The following TAF1 variants were observed in gnomAD, a reference collection of about 807,000 sequenced individuals.
TAF1 encodes transcription initiation factor TFIID subunit 1.
A neutral mutation model predicts 138.5 loss-of-function variants in TAF1; 2 were observed. The ratio of observed to expected loss-of-function variants is 0.01; its 90% CI spans 0.01 to 0.05. TAF1 has a LOEUF of 0.05. TAF1 is among the 10% of genes least tolerant of loss of function. TAF1 has a pLI of 1.00. For synonymous variants in TAF1, 437 were observed against 503.2 expected, an observed-to-expected ratio of 0.87 and a Z score of 1.76; for missense variants, 709 against 1,478.0, an observed-to-expected ratio of 0.48 and a Z score of 8.53.
At chrX:71,432,761 G>A (rs1165601792) in intron 32 of TAF1, among the ~76,000 whole-genome samples, 1 of 111,800 alleles carries the variant, frequency 8.9e-6, no homozygotes, top group Non-Finnish European at 1.9e-5. Flanking sequence ...CAGTTTGGGG[G>A]AATATCTCAG....
intron 30 of TAF1, 86 bp downstream of exon 30, chrX:71,423,325 G>A (rs1425283065): frequency 3.4e-6 from 4 of 1,163,765 alleles, no homozygotes; most frequent in Non-Finnish European, 4.6e-6. Flanking sequence ...GTATTTTGGA[G>A]AGTCTGAGTG....
intron 13 of TAF1, chrX:71,528,072 C>G (rs2040030816): frequency 1.0e-5 from 2 of 199,041 alleles, no homozygotes; most frequent in Non-Finnish European, 1.9e-5. Context: ...ATTGTCCTTT[C>G]ACATCTGGTT....
At chrX:71,368,434 T>C in intron 3 of TAF1, among the ~76,000 whole-genome samples, 1 of 111,738 alleles carries the variant, frequency 8.9e-6, no homozygotes, top group East Asian at 2.8e-4. Flanking sequence ...AGCTTTCTTG[T>C]CACCTGGTAT....
chrX:71,445,172 C>T (rs1292146191), intron 32 of TAF1, among the ~76,000 whole-genome samples: 6 of 108,712 alleles, frequency 5.5e-5, no homozygotes, highest in African/African-American at 2.0e-4. Context: ...TGGTGGTGCA[C>T]ATTTGTAATC....
intron 23 of TAF1, among the ~76,000 whole-genome samples, chrX:71,397,968 C>T (rs190799041): frequency 6.3e-5 from 7 of 111,822 alleles, no homozygotes; most frequent in Non-Finnish European, 1.1e-4. Context: ...AAATTCTATT[C>T]GGTATTTGCC....
At chrX:71,497,240 C>T (rs773785205) in intron 13 of TAF1, among the ~76,000 whole-genome samples, 5 of 111,380 alleles carry the variant, frequency 4.5e-5, no homozygotes, top group Non-Finnish European at 7.6e-5. Flanking sequence ...GAGATCCTCT[C>T]GGGTGGCATA....
chrX:71,514,892 C>T (rs1219841806), intron 13 of TAF1, among the ~76,000 whole-genome samples: 1 of 111,172 alleles, frequency 9.0e-6, no homozygotes, highest in Non-Finnish European at 1.9e-5. Context: ...TGTGAAACAG[C>T]CTGATCTTTT....
chrX:71,447,332 C>A (rs774466024), intron 32 of TAF1, among the ~76,000 whole-genome samples: 24 of 110,849 alleles, frequency 2.2e-4, no homozygotes, highest in Non-Finnish European at 3.4e-4. Flanking sequence ...GGAGTGATCA[C>A]AAATCCCCTC....
intron 32 of TAF1, among the ~76,000 whole-genome samples, chrX:71,427,910 G>T (rs752715697): frequency 2.0e-5 from 2 of 100,748 alleles, no homozygotes; most frequent in Non-Finnish European, 4.0e-5. Flanking sequence ...CTGCACTCCA[G>T]CCTGGGTGAT....
intron 24 of TAF1, 103 bp downstream of exon 24, chrX:71,398,840 T>C: frequency 1.9e-6 from 2 of 1,055,867 alleles, no homozygotes; most frequent in South Asian, 5.3e-5. Flanking sequence ...GAGGGAAGTA[T>C]ATTGTGGAAA....
At chrX:71,449,401 GGC>G (rs1457123594) in intron 32 of TAF1, among the ~76,000 whole-genome samples, 1 of 113,070 alleles carries the variant, frequency 8.8e-6, no homozygotes, top group Non-Finnish European at 1.9e-5. Flanking sequence ...TGGGATTACA[GGC>G]ATGAGCCACT....
intron 13 of TAF1, among the ~76,000 whole-genome samples, chrX:71,515,551 A>G (rs1280420633): frequency 9.0e-6 from 1 of 111,677 alleles, no homozygotes; most frequent in Non-Finnish European, 1.9e-5. Flanking sequence ...GAATCAGGTT[A>G]TTTCTTTTTC....
At chrX:71,367,308 A>G (rs1330652649) in intron 1 of TAF1, among the ~76,000 whole-genome samples, 191 bp from the exon 2 acceptor site, 1 of 112,683 alleles carries the variant, frequency 8.9e-6, no homozygotes, top group Admixed American at 9.4e-5. Context: ...TGGTGCTTTA[A>G]TAAAGATCTG....
At chrX:71,513,819 C>A (rs1025992505) in intron 13 of TAF1, among the ~76,000 whole-genome samples, 2 of 111,342 alleles carry the variant, frequency 1.8e-5, no homozygotes, top group Admixed American at 9.6e-5. Flanking sequence ...GAGAACTCTT[C>A]TATCTAGCTA....
chrX:71,453,975 A>G (rs1369201411), intron 32 of TAF1, among the ~76,000 whole-genome samples, 195 bp from the exon 33 acceptor site: 2 of 112,114 alleles, frequency 1.8e-5, no homozygotes, highest in African/African-American at 6.5e-5. Context: ...TAGTGAGTAC[A>G]TGGGAGTCCA....
intron 8 of TAF1, among the ~76,000 whole-genome samples, chrX:71,381,368 G>T (rs542879585): frequency 1.8e-5 from 2 of 112,130 alleles, no homozygotes; most frequent in South Asian, 3.7e-4. Flanking sequence ...GGGCTCAGGT[G>T]ATTCTCCTGC....
intron 32 of TAF1, among the ~76,000 whole-genome samples, chrX:71,426,581 G>C (rs1299650949): frequency 9.0e-6 from 1 of 110,833 alleles, no homozygotes; most frequent in African/African-American, 3.3e-5. Context: ...TGGGCATGGT[G>C]GTGCATGCCT....
chrX:71,489,572 A>AG (rs1216042486), intron 13 of TAF1, among the ~76,000 whole-genome samples: 1 of 109,505 alleles, frequency 9.1e-6, no homozygotes, highest in Non-Finnish European at 1.9e-5. Context: ...GCTACTTGGG[A>AG]GGGTGAGGCA....
intron 1 of TAF1, 114 bp downstream of exon 1, chrX:71,366,608 C>CG (rs2032515179): frequency 8.8e-6 from 7 of 791,102 alleles, no homozygotes; most frequent in Admixed American, 3.8e-5. Context: ...CAGCTAACGC[C>CG]GGGGAGGAGG....
Sources: allele counts gnomAD v4.1 joint callset (sites outside exome capture counted in the v4.1 genomes callset), GRCh38; gene constraint gnomAD v4.1.1; transcripts MANE v1.5; gene names NCBI Gene and HGNC (gene_info 2026-07-23, HGNC 2026-07-21).